KIF7: variants seen among roughly 807,000 people sequenced by gnomAD.
KIF7 encodes the protein kinesin family member 7, also known as kinesin-like protein KIF7.
Under a neutral mutation model 135.7 loss-of-function variants are expected in KIF7, and 104 were observed. That is an observed-to-expected ratio of 0.77 (90% CI 0.65 to 0.90). The LOEUF (loss-of-function observed/expected upper bound fraction) is 0.90. Among genes scored for constraint, KIF7 ranks in the 40% least tolerant of loss-of-function variants. The pLI, the probability that KIF7 is intolerant of heterozygous loss-of-function variation, is 0.00. For synonymous variants in KIF7, 883 were observed against 809.4 expected (o/e 1.09, Z -1.54); for missense variants, 2,005 against 1,839.1 (o/e 1.09, Z -1.65).
downstream of KIF7, chr15:89,624,206 CTG>C (rs1357025949): frequency 6.2e-7 from 1 of 1,614,080 alleles, no homozygotes; most frequent in African/African-American, 1.3e-5. Context: ...GGGAATTCAA[CTG>C]TGACTTCTTC....
chr15:89,628,960 C>A lies in KIF7; in HGVS notation c.3664+16G>T. ...AAAGGGAACAGGTCTGACTTCAGAG[C>A]GCGACGAGGAGTTACCCCTGCTGTG... On this transcript the variant is annotated intron_variant, in intron 18 of 18. Transcript: ENST00000394412. The A allele has an allele frequency of 6.2e-7, 1 of 1,613,838 alleles. No homozygotes were observed. Among genetic ancestry groups the A allele is most frequent in the Non-Finnish European group, 8.5e-7 (1 of 1,179,986 alleles).
Position 89,633,800 on chromosome 15 carries a change from C to T in KIF7, c.2478G>A (p.Arg826=). The change falls in exon 12 of 19, where the codon CGG becomes CGA. Residue 826 remains arginine, a synonymous_variant. Transcript: ENST00000394412. Reference sequence around the variant, plus strand: ...GCTGCTGCCGCATGAGCTGCACGTTCCGCTCGAGCTCCTGCAGTCGCTTCT... The same window carrying T: ...GCTGCTGCCGCATGAGCTGCACGTTTCGCTCGAGCTCCTGCAGTCGCTTCT... The part of the protein sequence containing the change: ...QSEKRLQELE[R]NVQLMRQQQG... The T allele has an allele frequency of 6.2e-7, 1 of 1,612,582 alleles. No homozygotes were observed. Among genetic ancestry groups the T allele is most frequent in the Non-Finnish European group, 8.5e-7 (1 of 1,180,030 alleles).
chr15:89,635,144 C>T (rs1963777963), intron 11 of KIF7, among the ~76,000 whole-genome samples: 1 of 151,910 alleles, frequency 6.6e-6, no homozygotes, highest in South Asian at 2.1e-4. Context: ...AACTAACAAA[C>T]AGAAAGGACA....
At position 89,648,771 on chromosome 15, in the gene KIF7, G is replaced by C. The variant is rs965570507; in HGVS notation, c.927C>G (p.Ile309Met). Reference sequence around the variant, plus strand: ...CGTTCCCGCCCAGCGAGTCTTTGAGGATCCTGAGGGCGCGAGGGGGAGGCT... The same window carrying C: ...CGTTCCCGCCCAGCGAGTCTTTGAGCATCCTGAGGGCGCGAGGGGGAGGCT... ...IPYRDSKITR[I>M]LKDSLGGNAK... The change falls in exon 5 of 19, where the codon ATC becomes ATG. Residue 309 changes from isoleucine (I) to methionine (M), a missense_variant. Ile to Met is a conservative substitution (Grantham distance 10). Coordinates refer to ENST00000394412, the MANE Select transcript of KIF7 (RefSeq NM_198525.3). The C allele has an allele frequency of 6.5e-7, 1 of 1,532,786 alleles. No homozygotes were observed. The highest frequency in any genetic ancestry group is 1.4e-5 in the African/African-American group (1 of 72,928). 94.9% of individuals were successfully genotyped at this position (1,532,786 alleles called of 1,614,324 possible).
At chr15:89,645,541 C>A (rs540840686) in intron 8 of KIF7, 90 bp from the exon 9 acceptor site, 2 of 1,011,672 alleles carry the variant, frequency 2.0e-6, no homozygotes, top group South Asian at 1.4e-5. Context: ...GAGAGGCCAC[C>A]GGGTCTTCCA....
chr15:89,628,115 A>C lies in KIF7; in HGVS notation c.*304T>G. 1 of 334,338 alleles carries C rather than the reference A, an allele frequency of 3.0e-6. No individual in the cohort carries two copies. The highest frequency in any genetic ancestry group is 8.6e-5 in the South Asian group (1 of 11,692). The allele number at this position is 334,338 out of a possible 1,614,324, so 20.7% of individuals were successfully genotyped here. A position where few individuals can be genotyped will look rare whatever the true frequency, so the allele number is the denominator to read the frequency against. On this transcript the variant is annotated 3_prime_UTR_variant, in exon 19 of 19. Transcript: ENST00000394412. Reference sequence around the variant, plus strand: ...GTGATGATTCTTGGCCAAACCCCTGAACTACAAGCACATCCATTTACGCCT... The same window carrying C: ...GTGATGATTCTTGGCCAAACCCCTGCACTACAAGCACATCCATTTACGCCT...
chr15:89,634,026 C>T (rs1293176878), intron 11 of KIF7, 143 bp from the exon 12 acceptor site: 14 of 863,950 alleles, frequency 1.6e-5, no homozygotes, highest in South Asian at 2.8e-5. Context: ...AGGCCGGGTG[C>T]GGTGGCTCAC....
Position 89,645,881 on chromosome 15 carries a change from G to A in KIF7, c.1922+12C>T. The A allele has an allele frequency of 6.2e-7, 1 of 1,612,558 alleles. No homozygotes were observed. Among genetic ancestry groups the A allele is most frequent in the Non-Finnish European group, 8.5e-7 (1 of 1,179,618 alleles). ...AGGTCCTTGTCAGGTGGGGGCAGTGGGTCCCACTCACCTGCGCAGGTGTAA... is the reference window on the plus strand; with the variant it reads ...AGGTCCTTGTCAGGTGGGGGCAGTGAGTCCCACTCACCTGCGCAGGTGTAA... On this transcript the variant is annotated intron_variant, in intron 8 of 18. Transcript: ENST00000394412.
intron 11 of KIF7, 148 bp from the exon 12 acceptor site, chr15:89,634,031 G>A (rs1279395525): frequency 2.4e-6 from 2 of 845,256 alleles, no homozygotes; most frequent in Non-Finnish European, 3.9e-6. Context: ...GGGTGCGGTG[G>A]CTCACGTCTG....
intron 1 of KIF7, among the ~76,000 whole-genome samples, chr15:89,619,179 G>A (rs1567050890): frequency 1.3e-5 from 2 of 148,810 alleles, no homozygotes; most frequent in Admixed American, 6.7e-5. Flanking sequence ...ATATACATAC[G>A]AAACCTAACA....
intron 1 of KIF7, among the ~76,000 whole-genome samples, chr15:89,618,363 A>C (rs1269897140): frequency 6.6e-6 from 1 of 152,178 alleles, no homozygotes. Flanking sequence ...TTTATAAGTG[A>C]ATGTTCTTCT....
intron 11 of KIF7, among the ~76,000 whole-genome samples, chr15:89,636,106 T>C (rs1963802117): frequency 6.6e-6 from 1 of 152,042 alleles, no homozygotes; most frequent in African/African-American, 2.4e-5. Context: ...AGAAATAAAA[T>C]ACTTTACAGA....
chr15:89,631,762 G>A, intron 14 of KIF7, 52 bp from the exon 15 acceptor site: 1 of 1,462,810 alleles, frequency 6.8e-7, no homozygotes, highest in Non-Finnish European at 9.3e-7. Flanking sequence ...TGTCCTCACA[G>A]GGGGGACAGA....
chr15:89,661,751 C>T, the KIF7 span, among the ~76,000 whole-genome samples: 3 of 148,226 alleles, frequency 2.0e-5, no homozygotes, highest in African/African-American at 2.5e-5. Context: ...GATGGAGTTT[C>T]GCTCTTGTTG....
chr15:89,632,753 A>T (rs1963707106), intron 14 of KIF7, 67 bp downstream of exon 14: 2 of 1,532,258 alleles, frequency 1.3e-6, no homozygotes, highest in Non-Finnish European at 1.8e-6. Context: ...ACCTGGCAAG[A>T]TCTGTCCTGG....
chr15:89,630,258 A>G, intron 16 of KIF7, 29 bp downstream of exon 16: 1 of 1,607,552 alleles, frequency 6.2e-7, no homozygotes, highest in Non-Finnish European at 8.5e-7. Context: ...GCTGAGGAGG[A>G]GCTGGGGGGC....
Position 89,648,584 on chromosome 15 carries a change from C to G in KIF7, c.1114G>C (p.Ala372Pro). Residue 372 changes from alanine (A) to proline (P), a missense_variant, in exon 5 of 19, where the codon GCG becomes CCG. Ala to Pro is a conservative substitution (Grantham distance 27). Coordinates refer to ENST00000394412, the MANE Select transcript of KIF7 (RefSeq NM_198525.3). ...ERPPEETASG[A>P]RGPPRHRSET... Reference sequence around the variant, plus strand: ...GAGCGGTGCCGTGGCGGACCCCGCGCGCCGCTCGCCGTCTCTTCGGGTGGC... The same window carrying G: ...GAGCGGTGCCGTGGCGGACCCCGCGGGCCGCTCGCCGTCTCTTCGGGTGGC... The G allele has an allele frequency of 6.6e-7, 1 of 1,516,280 alleles. No homozygotes were observed. Among genetic ancestry groups the G allele is most frequent in the Non-Finnish European group, 8.8e-7 (1 of 1,135,266 alleles). 93.9% of individuals were successfully genotyped at this position (1,516,280 alleles called of 1,614,324 possible).
intron 10 of KIF7, among the ~76,000 whole-genome samples, chr15:89,643,667 A>T (rs1963961160): frequency 6.6e-6 from 1 of 152,184 alleles, no homozygotes; most frequent in East Asian, 1.9e-4. Context: ...TGAGCGGATC[A>T]CGAGGTCAAG....
At chr15:89,642,853 G>C (rs1963948319) in intron 10 of KIF7, among the ~76,000 whole-genome samples, 1 of 152,240 alleles carries the variant, frequency 6.6e-6, no homozygotes, top group African/African-American at 2.4e-5. Flanking sequence ...ACAGGCGTGA[G>C]CCACCGCGCC....
Sources: gnomAD v4.1 joint callset for allele counts (sites outside exome capture counted in the v4.1 genomes callset) on GRCh38, gnomAD v4.1.1 for gene constraint, MANE v1.5 for transcripts, NCBI Gene and HGNC (gene_info 2026-07-23, HGNC 2026-07-21) for gene names.